The following MYO5B variants were observed in gnomAD, a reference collection of about 807,000 sequenced individuals.
MYO5B encodes myosin VB, also known as unconventional myosin-Vb.
A neutral mutation model predicts 229.3 loss-of-function variants in MYO5B; 143 were observed. That is an observed-to-expected ratio of 0.62 (90% CI 0.54 to 0.72). MYO5B has a LOEUF of 0.72. Among genes scored for constraint, MYO5B ranks in the 30% least tolerant of loss-of-function variants. The pLI, the probability that MYO5B is intolerant of heterozygous loss-of-function variation, is 0.00. For synonymous variants in MYO5B, 918 were observed against 885.2 expected, an observed-to-expected ratio of 1.04 and a Z score of -0.66; for missense variants, 2,321 against 2,331.0, an observed-to-expected ratio of 1.00 and a Z score of 0.09.
intron 22 of MYO5B, among the ~76,000 whole-genome samples, chr18:49,892,972 T>G (rs1385617426): frequency 6.6e-6 from 1 of 152,198 alleles, no homozygotes; most frequent in African/African-American, 2.4e-5. Context: ...AAGACCTAGG[T>G]CAGCATATCA....
intron 7 of MYO5B, among the ~76,000 whole-genome samples, chr18:49,988,468 C>T (rs1433129459): frequency 2.0e-5 from 3 of 152,076 alleles, no homozygotes; most frequent in Non-Finnish European, 4.4e-5. Context: ...GGCCCATGTA[C>T]CTTGCAGAGA....
intron 30 of MYO5B, among the ~76,000 whole-genome samples, chr18:49,855,803 C>A (rs1274842160): frequency 6.6e-6 from 1 of 152,194 alleles, no homozygotes; most frequent in South Asian, 2.1e-4. Context: ...AGAAGAGATG[C>A]TCTTGGTGCA....
Position 50,041,181 on chromosome 18 carries a change from C to G in MYO5B, c.139-867G>C, listed in dbSNP as rs117309165. ...TATAAAGTTTCCTGAGCCCAACCTA[C>G]TTATCAGGAATTCTGAGGCAGGATT... On this transcript the variant is annotated intron_variant, in intron 2 of 39. Coordinates refer to ENST00000285039, the MANE Select transcript of MYO5B (RefSeq NM_001080467.3). Among the ~76,000 whole-genome samples, 873 of 152,288 alleles carry G rather than the reference C, an allele frequency of 5.7e-3. 3 individuals are homozygous for G. The highest frequency in any genetic ancestry group is 0.01 in the Middle Eastern group (3 of 294).
At chr18:50,003,297 T>C (rs1418334127) in intron 4 of MYO5B, among the ~76,000 whole-genome samples, 1 of 152,316 alleles carries the variant, frequency 6.6e-6, no homozygotes, top group East Asian at 1.9e-4. Context: ...CACAACCAAC[T>C]ACTTGAAAAT....
At position 50,022,765 on chromosome 18, in the gene MYO5B, G is replaced by A. The variant is rs570409006; in HGVS notation, c.455+14085C>T. 8.5e-5 allele frequency among the ~76,000 whole-genome samples: 13 copies of A among 152,302 alleles called. No individual in the cohort carries two copies. The South Asian group carries it at 2.7e-3, about 32-fold the overall frequency. The stretch of plus-strand genomic sequence containing the variant: ...CCACTTGCCACAGGGGACTGGGAGG[G>A]AAGTCTGAAGGAAGGGTCACAGAGG... On this transcript the variant is annotated intron_variant, in intron 4 of 39. Coordinates refer to ENST00000285039, the MANE Select transcript of MYO5B (RefSeq NM_001080467.3).
intron 7 of MYO5B, among the ~76,000 whole-genome samples, chr18:49,988,310 T>G (rs1440284338): frequency 6.6e-6 from 1 of 152,168 alleles, no homozygotes; most frequent in African/African-American, 2.4e-5. Context: ...AATCCACCCA[T>G]GAGGCCGAGG....
chr18:50,040,000 AT>A, intron 3 of MYO5B, 142 bp downstream of exon 3: 1 of 932,296 alleles, frequency 1.1e-6, no homozygotes, highest in Non-Finnish European at 1.7e-6. Flanking sequence ...ACATTCACTG[AT>A]TGCAAACCTT....
chr18:49,849,267 C>T (rs115012343), intron 32 of MYO5B, among the ~76,000 whole-genome samples: 2 of 152,160 alleles, frequency 1.3e-5, no homozygotes, highest in Non-Finnish European at 2.9e-5. Flanking sequence ...AACTTCAAGC[C>T]GTTTGAGGGC....
chr18:49,958,201 C>A (rs2025517592), intron 12 of MYO5B, among the ~76,000 whole-genome samples: 1 of 152,104 alleles, frequency 6.6e-6, no homozygotes, highest in African/African-American at 2.4e-5. Context: ...AGTACTGCAG[C>A]CAAAAAATAA....
chr18:50,111,489 T>C (rs2031864312), intron 1 of MYO5B, among the ~76,000 whole-genome samples: 1 of 152,216 alleles, frequency 6.6e-6, no homozygotes, highest in African/African-American at 2.4e-5. Flanking sequence ...CTGGGGCAAA[T>C]TCTCCAGATT....
intron 1 of MYO5B, among the ~76,000 whole-genome samples, chr18:50,081,178 A>C (rs1003522362): frequency 1.3e-5 from 2 of 152,078 alleles, no homozygotes; most frequent in Admixed American, 6.6e-5. Context: ...GCCTGGATTT[A>C]GGTCAACCTC....
rs1450649624 is a variant in MYO5B at position 50,036,885 on chromosome 18, A to G, written c.420T>C (p.Phe140=). ...QNMGDMDPHI[F]AVAEEAYKQM... ...GCTTGTAGGCTTCTTCTGCCACAGC[A>G]AAGATGTGGGGGTCCATGTCTCCCA... The change falls in exon 4 of 40, where the codon TTT becomes TTC. Residue 140 remains phenylalanine (F), a synonymous_variant. Coordinates refer to ENST00000285039, the MANE Select transcript of MYO5B (RefSeq NM_001080467.3). 1.9e-6 allele frequency: 3 copies of G among 1,614,134 alleles called. No homozygotes were observed. The highest frequency in any genetic ancestry group is 2.2e-5 in the East Asian group (1 of 44,884).
chr18:50,084,314 T>G (rs1421398830), intron 1 of MYO5B, among the ~76,000 whole-genome samples: 1 of 152,142 alleles, frequency 6.6e-6, no homozygotes, highest in Middle Eastern at 3.2e-3. Flanking sequence ...CTTTAACCAT[T>G]TTTACTACTC....
chr18:50,058,414 G>A (rs2030604701), intron 1 of MYO5B, among the ~76,000 whole-genome samples: 1 of 152,186 alleles, frequency 6.6e-6, no homozygotes, highest in South Asian at 2.1e-4. Flanking sequence ...AGGTTACAGT[G>A]AGCTACAATT....
chr18:50,122,526 C>T (rs9963945), intron 1 of MYO5B, among the ~76,000 whole-genome samples: 1 of 140,832 alleles, frequency 7.1e-6, no homozygotes, highest in South Asian at 2.3e-4. Flanking sequence ...CAGGAGAATC[C>T]CTTAAACCTG....
chr18:49,994,956 A>T (rs1301661038), intron 5 of MYO5B, among the ~76,000 whole-genome samples: 2 of 152,190 alleles, frequency 1.3e-5, no homozygotes, highest in African/African-American at 4.8e-5. Context: ...AGAACCCTAC[A>T]AGATAGGCAT....
intron 14 of MYO5B, among the ~76,000 whole-genome samples, chr18:49,940,700 T>A (rs968364708): frequency 1.3e-5 from 2 of 152,206 alleles, no homozygotes; most frequent in African/African-American, 4.8e-5. Flanking sequence ...TTGGATAAGA[T>A]CAAGCATAAA....
chr18:50,082,155 G>T (rs1485028157), intron 1 of MYO5B, among the ~76,000 whole-genome samples: 2 of 152,192 alleles, frequency 1.3e-5, no homozygotes, highest in African/African-American at 4.8e-5. Flanking sequence ...GCCCACAATG[G>T]TACCAAGGGC....
At chr18:49,848,344 C>T (rs934164981) in intron 32 of MYO5B, among the ~76,000 whole-genome samples, 4 of 151,404 alleles carry the variant, frequency 2.6e-5, no homozygotes, top group Admixed American at 6.6e-5. Context: ...AAGGACCCCA[C>T]AGAAGAGGTG....
Sources: allele counts gnomAD v4.1 joint callset (sites outside exome capture counted in the v4.1 genomes callset), GRCh38; gene constraint gnomAD v4.1.1; transcripts MANE v1.5; gene names NCBI Gene and HGNC (gene_info 2026-07-23, HGNC 2026-07-21).